The following TRABD2B variants were observed in gnomAD, a reference collection of about 807,000 sequenced individuals.
TRABD2B encodes the protein TraB domain containing 2B.
Under a neutral mutation model 40.1 loss-of-function variants are expected in TRABD2B, and 14 were observed. The ratio of observed to expected loss-of-function variants is 0.35; its 90% CI spans 0.23 to 0.55. The LOEUF is 0.55. Ranked by LOEUF, TRABD2B falls within the 20% of genes least tolerant of loss-of-function variation. TRABD2B has a pLI of 0.90. For missense variants in TRABD2B, 541 were observed against 648.6 expected (o/e 0.83, Z 1.80); for synonymous variants, 263 against 277.0 (o/e 0.95, Z 0.50).
At chr1:47,919,386 G>A (rs1033137328) in intron 2 of TRABD2B, among the ~76,000 whole-genome samples, 1 of 152,174 alleles carries the variant, frequency 6.6e-6, no homozygotes, top group African/African-American at 2.4e-5. Context: ...AATCTAAGGG[G>A]AGCCAAACAG....
At chr1:47,766,190 C>G in intron 6 of TRABD2B, 84 bp from the exon 7 acceptor site, 1 of 679,226 alleles carries the variant, frequency 1.5e-6, no homozygotes, top group Non-Finnish European at 2.7e-6. Context: ...CTGATTTTTT[C>G]AGGTCTATTT....
chr1:47,926,171 C>T (rs551823875), intron 2 of TRABD2B, among the ~76,000 whole-genome samples: 9 of 152,138 alleles, frequency 5.9e-5, no homozygotes, highest in African/African-American at 1.9e-4. Context: ...ATGTTATCTA[C>T]GAATAATAAA....
At chr1:47,964,292 A>T (rs1200632004) in intron 2 of TRABD2B, among the ~76,000 whole-genome samples, 1 of 152,208 alleles carries the variant, frequency 6.6e-6, no homozygotes, top group Non-Finnish European at 1.5e-5. Context: ...ACTTCCCATG[A>T]GTGGGCTTAG....
chr1:47,782,021 C>T (rs1644531076), intron 4 of TRABD2B, among the ~76,000 whole-genome samples: 1 of 152,214 alleles, frequency 6.6e-6, no homozygotes, highest in Non-Finnish European at 1.5e-5. Context: ...CCTTGGCCCT[C>T]TTCTTCTCAC....
chr1:47,872,163 G>A (rs531845040), intron 2 of TRABD2B, among the ~76,000 whole-genome samples: 111 of 152,270 alleles, frequency 7.3e-4, no homozygotes, highest in Non-Finnish European at 1.3e-3. Flanking sequence ...TCCTCTCTGG[G>A]GACCCTATGT....
At chr1:47,963,515 C>T (rs1382351491) in intron 2 of TRABD2B, among the ~76,000 whole-genome samples, 1 of 152,152 alleles carries the variant, frequency 6.6e-6, no homozygotes, top group Non-Finnish European at 1.5e-5. Context: ...CTTCAATTAA[C>T]CCAGAATGTG....
At position 47,870,659 on chromosome 1, in the gene TRABD2B, G is replaced by C. The variant is rs144444710; in HGVS notation, c.667-69040C>G. Among the ~76,000 whole-genome samples the C allele has an allele frequency of 8.5e-3, 1,298 of 152,326 alleles. 13 individuals are homozygous for C. Among genetic ancestry groups the C allele is most frequent in the Non-Finnish European group, 0.012 (817 of 68,028 alleles). On this transcript the variant is annotated intron_variant, in intron 2 of 6. Coordinates refer to ENST00000606738, the MANE Select transcript of TRABD2B (RefSeq NM_001194986.2). Reference sequence around the variant, plus strand: ...GTGCTTGTGTTAGTGACACAAAAATGAATCAGTTGTACTTCCTAACCTCAA... The same window carrying C: ...GTGCTTGTGTTAGTGACACAAAAATCAATCAGTTGTACTTCCTAACCTCAA...
chr1:47,807,440 A>T (rs1644907133), intron 2 of TRABD2B, among the ~76,000 whole-genome samples: 1 of 152,228 alleles, frequency 6.6e-6, no homozygotes, highest in African/African-American at 2.4e-5. Context: ...TTCAACAATG[A>T]AGGCTTGGGT....
Position 47,994,617 on chromosome 1 carries a change from G to A in TRABD2B, c.103-20C>T, listed in dbSNP as rs2148467314. The A allele has an allele frequency of 1.3e-6, 2 of 1,525,834 alleles. No homozygotes were observed. Among genetic ancestry groups the A allele is most frequent in the East Asian group, 4.9e-5 (2 of 40,792 alleles). The allele number at this position is 1,525,834 out of a possible 1,614,324, so 94.5% of individuals were successfully genotyped here. ...CCTCTGCTGCAGGAGTAGAGAAGAG[G>A]CAAGGCAGTGAGGCCGAAGGCAACA... On this transcript the variant is annotated intron_variant, in intron 1 of 6. Transcript: ENST00000606738. This position sits in a 1 kb window ranked among gnomAD's most constrained non-coding sequence, Gnocchi z 6.7.
At chr1:47,836,275 C>T (rs1237833993) in intron 2 of TRABD2B, among the ~76,000 whole-genome samples, 1 of 152,142 alleles carries the variant, frequency 6.6e-6, no homozygotes, top group African/African-American at 2.4e-5. Flanking sequence ...TATGGACAAT[C>T]CAAGGTTTAC....
intron 2 of TRABD2B, among the ~76,000 whole-genome samples, chr1:47,868,083 A>G (rs1474536863): frequency 6.6e-6 from 1 of 152,202 alleles, no homozygotes; most frequent in African/African-American, 2.4e-5. Flanking sequence ...CCTAATGTGA[A>G]ATGAGGAAAA....
chr1:47,772,739 A>T, intron 6 of TRABD2B, among the ~76,000 whole-genome samples: 1 of 152,140 alleles, frequency 6.6e-6, no homozygotes, highest in East Asian at 1.9e-4. Context: ...TGGGGACTGC[A>T]GGAGGGTGGG....
At chr1:47,890,784 TGAA>T (rs1644434253) in intron 2 of TRABD2B, among the ~76,000 whole-genome samples, 1 of 152,236 alleles carries the variant, frequency 6.6e-6, no homozygotes, top group Admixed American at 6.5e-5. Context: ...CTGTAGGCCC[TGAA>T]GAAGAAGAAT....
chr1:47,840,761 G>A (rs1408634382), intron 2 of TRABD2B, among the ~76,000 whole-genome samples: 1 of 152,210 alleles, frequency 6.6e-6, no homozygotes, highest in African/African-American at 2.4e-5. Context: ...GGCCCAGGGA[G>A]AAGGAATCAA....
At chr1:47,911,111 G>A (rs959419908) in intron 2 of TRABD2B, among the ~76,000 whole-genome samples, 2 of 152,152 alleles carry the variant, frequency 1.3e-5, no homozygotes, top group Non-Finnish European at 2.9e-5. Context: ...TTTTACATGG[G>A]GGAAAATAGA....
At chr1:47,903,420 T>C (rs1295185248) in intron 2 of TRABD2B, among the ~76,000 whole-genome samples, 3 of 142,938 alleles carry the variant, frequency 2.1e-5, no homozygotes, top group Non-Finnish European at 4.7e-5. Flanking sequence ...CGCTGTGACA[T>C]AGTGCATAAG....
intron 2 of TRABD2B, among the ~76,000 whole-genome samples, chr1:47,853,278 C>T (rs778550316): frequency 1.4e-4 from 21 of 152,200 alleles, no homozygotes; most frequent in African/African-American, 1.2e-4. Context: ...CAACGCACCC[C>T]GGCATTGTCT....
intron 2 of TRABD2B, among the ~76,000 whole-genome samples, chr1:47,971,919 A>G (rs1478126406): frequency 6.6e-6 from 1 of 152,170 alleles, no homozygotes; most frequent in Non-Finnish European, 1.5e-5. Context: ...CTTTTGTGGT[A>G]TCTCATGGAG....
At chr1:47,952,727 G>T (rs1229938936) in intron 2 of TRABD2B, among the ~76,000 whole-genome samples, 2 of 152,146 alleles carry the variant, frequency 1.3e-5, no homozygotes, top group African/African-American at 2.4e-5. Context: ...GGGCCACCCA[G>T]GGCTCCTGTG....
Sources: gnomAD v4.1 joint callset for allele counts (sites outside exome capture counted in the v4.1 genomes callset) on GRCh38, gnomAD v4.1.1 for gene constraint, Gnocchi (gnomAD v3.1) non-coding constraint, MANE v1.5 for transcripts, NCBI Gene and HGNC (gene_info 2026-07-23, HGNC 2026-07-21) for gene names.